The following PDE10A variants were observed in gnomAD, a reference collection of about 807,000 sequenced individuals.
PDE10A encodes the protein phosphodiesterase 10A.
A neutral mutation model predicts 97.7 loss-of-function variants in PDE10A; 39 were observed. The ratio of observed to expected loss-of-function variants is 0.40; its 90% CI spans 0.31 to 0.52. The LOEUF (loss-of-function observed/expected upper bound fraction) is 0.52, where lower values mean the gene tolerates loss of function less well. Ranked by LOEUF, PDE10A falls within the 20% of genes least tolerant of loss-of-function variation. PDE10A has a pLI of 0.56. For missense variants in PDE10A, 731 were observed against 1,047.8 expected, an observed-to-expected ratio of 0.70 and a Z score of 4.17; for synonymous variants, 371 against 376.8, an observed-to-expected ratio of 0.98 and a Z score of 0.18.
rs1235912170 is a variant in PDE10A, at chr6:165,332,967, T to C, written c.*58A>G. The C allele has an allele frequency of 9.0e-6, 5 of 552,670 alleles. No individual in the cohort carries two copies. Among genetic ancestry groups the C allele is most frequent in the South Asian group, 1.7e-5 (1 of 58,278 alleles). The allele number at this position is 552,670 out of a possible 1,614,324, so 34.2% of individuals were successfully genotyped here. A position where few individuals can be genotyped will look rare whatever the true frequency, so the allele number is the denominator to read the frequency against. On this transcript the variant is annotated 3_prime_UTR_variant, in exon 22 of 22. Transcript: ENST00000539869. ...ACCCCCCCCAAAAAAAGGAAAAGAA[T>C]GTCAAAGAAGCAAGATGAGGATCTG...
intron 2 of PDE10A, among the ~76,000 whole-genome samples, chr6:165,501,124 G>A (rs557430193): frequency 1.4e-4 from 21 of 152,072 alleles, no homozygotes; most frequent in East Asian, 1.9e-4. Context: ...CATGCTGAGC[G>A]CCGGTACCCT....
At chr6:165,663,655 G>A (rs922369527), upstream of PDE10A, among the ~76,000 whole-genome samples, 2 of 152,196 alleles carry the variant, frequency 1.3e-5, no homozygotes, top group African/African-American at 4.8e-5. Context: ...ATAAACTAGG[G>A]TTTGAAATAC....
intron 21 of PDE10A, among the ~76,000 whole-genome samples, chr6:165,334,550 C>T (rs1257386282): frequency 1.3e-5 from 2 of 152,206 alleles, no homozygotes; most frequent in Non-Finnish European, 2.9e-5. Flanking sequence ...AATTTCTGGA[C>T]AGGAAAGGAC....
chr6:165,362,115 A>G (rs1783463686), intron 18 of PDE10A, among the ~76,000 whole-genome samples: 1 of 152,166 alleles, frequency 6.6e-6, no homozygotes, highest in Non-Finnish European at 1.5e-5. Flanking sequence ...TTAATAACCT[A>G]AACTGCCTTA....
In PDE10A at chr6:165,352,940, A is replaced by G. The variant is rs115947280; in HGVS notation, c.2784-9438T>C. On this transcript the variant is annotated intron_variant, in intron 18 of 21. Transcript: ENST00000539869. ...CCGAGAGAAAACATTGGCAAAAGGCATATCTGATCAAAGACTGTTACCACA... is the reference window on the plus strand; with the variant it reads ...CCGAGAGAAAACATTGGCAAAAGGCGTATCTGATCAAAGACTGTTACCACA... Among the ~76,000 whole-genome samples, 1,053 of 152,314 alleles carry G rather than the reference A, an allele frequency of 6.9e-3. 10 individuals are homozygous for G. The highest frequency in any genetic ancestry group is 0.024 in the African/African-American group (1,012 of 41,572).
intron 17 of PDE10A, among the ~76,000 whole-genome samples, chr6:165,381,520 C>T (rs957562436): frequency 2.6e-5 from 4 of 152,060 alleles, no homozygotes; most frequent in Admixed American, 6.6e-5. Context: ...TGTCACCAGG[C>T]TGGAGTGGAT....
chr6:165,584,015 T>C (rs1785764454), intron 1 of PDE10A, among the ~76,000 whole-genome samples: 1 of 152,202 alleles, frequency 6.6e-6, no homozygotes, highest in African/African-American at 2.4e-5. Flanking sequence ...CTCAGGCCTC[T>C]GAATCAATAG....
At position 165,430,151 on chromosome 6, in the gene PDE10A, A is replaced by G. The variant is rs564627753; in HGVS notation, c.1601+136T>C. On this transcript the variant is annotated intron_variant, in intron 9 of 21. Coordinates refer to ENST00000539869, the MANE Select transcript of PDE10A (RefSeq NM_001385079.1). Reference sequence around the variant, plus strand: ...AACTCTACAATCCATAATATGATTAACCGTTCCCAGACTACTTGTAAAGAC... The same window carrying G: ...AACTCTACAATCCATAATATGATTAGCCGTTCCCAGACTACTTGTAAAGAC... 18 of 620,242 alleles carry G rather than the reference A, an allele frequency of 2.9e-5. No individual in the cohort carries two copies. The African/African-American group carries it at 2.9e-4, about 10-fold the overall frequency. 38.4% of individuals were successfully genotyped at this position (620,242 alleles called of 1,614,324 possible).
At chr6:165,459,497 ATAGATAG>A (rs1778166668) in intron 3 of PDE10A, among the ~76,000 whole-genome samples, 1 of 37,456 alleles carries the variant, frequency 2.7e-5, no homozygotes, top group South Asian at 1.2e-3. Context: ...CATTAGATAG[ATAGATAG>A]ATAGATAGAT....
At chr6:165,496,075 T>C (rs1054034093) in intron 2 of PDE10A, among the ~76,000 whole-genome samples, 22 of 151,862 alleles carry the variant, frequency 1.4e-4, no homozygotes, top group African/African-American at 5.3e-4. Flanking sequence ...GTTGCGGCAG[T>C]CTCCTGGAGA....
intron 1 of PDE10A, among the ~76,000 whole-genome samples, chr6:165,575,379 G>T (rs1331633841): frequency 1.3e-5 from 2 of 152,128 alleles, no homozygotes; most frequent in African/African-American, 4.8e-5. Context: ...CCTGACACGT[G>T]ACCTAGCCTT....
intron 1 of PDE10A, among the ~76,000 whole-genome samples, chr6:165,752,323 C>T (rs1280306791): frequency 1.3e-5 from 2 of 152,052 alleles, no homozygotes; most frequent in African/African-American, 4.8e-5. Flanking sequence ...GCCAAGGACC[C>T]TCTCAGGCTA....
chr6:165,523,073 T>G (rs2128309316), intron 2 of PDE10A, among the ~76,000 whole-genome samples: 1 of 151,382 alleles, frequency 6.6e-6, no homozygotes. Flanking sequence ...ACTAAGGAAG[T>G]GAAAGATAGC....
intron 1 of PDE10A, among the ~76,000 whole-genome samples, chr6:165,760,841 G>C (rs1434105955): frequency 6.6e-6 from 1 of 152,204 alleles, no homozygotes; most frequent in Non-Finnish European, 1.5e-5. Context: ...TGAGTTGTGG[G>C]CTTGAAATTT....
At chr6:165,502,929 A>C (rs1031539887) in intron 2 of PDE10A, among the ~76,000 whole-genome samples, 1 of 152,230 alleles carries the variant, frequency 6.6e-6, no homozygotes. Context: ...TGGTAGTTAC[A>C]GGATAATATA....
At chr6:165,474,175 A>G (rs1779168707) in intron 3 of PDE10A, among the ~76,000 whole-genome samples, 1 of 152,210 alleles carries the variant, frequency 6.6e-6, no homozygotes, top group Admixed American at 6.5e-5. Flanking sequence ...GAGGCAACAA[A>G]GCATCCCACC....
rs531074206 is a variant in PDE10A, at chr6:165,410,301, C to T, written c.2076+3200G>A. 1.8e-4 allele frequency among the ~76,000 whole-genome samples: 27 copies of T among 152,198 alleles called. No individual in the cohort carries two copies. In the South Asian group the frequency reaches 3.5e-3, roughly 20 times the overall value. On this transcript the variant is annotated intron_variant, in intron 13 of 21. Transcript: ENST00000539869. ...AAATAATTTTTGGTGTCAGAATTATCAGTACTTTTTGGCATCTTAGCTCAG... is the reference window on the plus strand; with the variant it reads ...AAATAATTTTTGGTGTCAGAATTATTAGTACTTTTTGGCATCTTAGCTCAG...
chr6:165,894,473 A>G (rs974647684), intron 1 of PDE10A: 1 of 455,932 alleles, frequency 2.2e-6, no homozygotes, highest in Non-Finnish European at 4.4e-6. Context: ...AGTGGTGGAG[A>G]GGGAAAACCT....
intron 1 of PDE10A, among the ~76,000 whole-genome samples, chr6:165,753,195 C>G (rs552478698): frequency 6.6e-6 from 1 of 152,216 alleles, no homozygotes; most frequent in South Asian, 2.1e-4. Flanking sequence ...TTGTAGGTAA[C>G]CAAAACAGTT....
Sources: allele counts gnomAD v4.1 joint callset (sites outside exome capture counted in the v4.1 genomes callset), GRCh38; gene constraint gnomAD v4.1.1; transcripts MANE v1.5; gene names NCBI Gene and HGNC (gene_info 2026-07-23, HGNC 2026-07-21).